The following PTPRT variants were observed in gnomAD, a reference collection of about 807,000 sequenced individuals.
PTPRT encodes the protein protein tyrosine phosphatase receptor type T.
In PTPRT, 56 loss-of-function variants were observed where a neutral mutation model predicts 176.8. The observed-to-expected ratio is 0.32, with a 90% CI of 0.26 to 0.40. The LOEUF (loss-of-function observed/expected upper bound fraction) is 0.40, where lower values mean the gene tolerates loss of function less well. Ranked by LOEUF, PTPRT falls within the 10% of genes least tolerant of loss-of-function variation. PTPRT has a pLI of 1.00. For missense variants in PTPRT, 1,540 were observed against 1,908.2 expected, an observed-to-expected ratio of 0.81 and a Z score of 3.60; for synonymous variants, 783 against 739.0, an observed-to-expected ratio of 1.06 and a Z score of -0.96.
At position 43,189,649 on chromosome 20, in the gene PTPRT, C is replaced by G. The variant is rs2867655; in HGVS notation, c.85G>C (p.Ala29Pro). The part of the protein sequence containing the change: ...PLPGARAQSA[A>P]GGCSFDEHYS... ...GGAGCCGGGCGGGCGCACTCACCTGCGGCGCTCTGAGCCCGGGCGCCGGGC... is the reference window on the plus strand; with the variant it reads ...GGAGCCGGGCGGGCGCACTCACCTGGGGCGCTCTGAGCCCGGGCGCCGGGC... The change falls in exon 1 of 31, where the codon GCA becomes CCA. Residue 29 changes from alanine (A) to proline (P), a missense_variant. Around this residue, in one of 11 missense-constraint regions of PTPRT, gnomAD observed 116 missense variants for 118.5 expected, o/e 0.98. Coordinates refer to ENST00000373187, the MANE Select transcript of PTPRT (RefSeq NM_007050.6). This position sits in a 1 kb window ranked among gnomAD's most constrained non-coding sequence, Gnocchi z 5.0. 0.82 allele frequency: 1,065,030 copies of G among 1,301,520 alleles called. 444,311 individuals carry two copies. The highest frequency in any genetic ancestry group is 0.91 in the South Asian group (42,097 of 46,050). 80.6% of individuals were successfully genotyped at this position (1,301,520 alleles called of 1,614,324 possible). A position where few individuals can be genotyped will look rare whatever the true frequency, so the allele number is the denominator to read the frequency against.
intron 6 of PTPRT, among the ~76,000 whole-genome samples, chr20:42,755,009 C>T (rs568663458): frequency 8.5e-5 from 13 of 152,064 alleles, no homozygotes; most frequent in Non-Finnish European, 1.8e-4. Context: ...AAAAAGTCAC[C>T]AAGTAAACAA....
Position 42,129,912 on chromosome 20 carries a change from G to A in PTPRT, c.2771-1082C>T, listed in dbSNP as rs190618507. Among the ~76,000 whole-genome samples the A allele has an allele frequency of 2.6e-5, 4 of 152,326 alleles. No homozygotes were observed. The East Asian group carries it at 7.7e-4, about 29-fold the overall frequency. The stretch of plus-strand genomic sequence containing the variant: ...TTTAAAAGGTCCTGACATACAGCAG[G>A]TACTCAGTAGTACATGGAAAAGGTA... On this transcript the variant is annotated intron_variant, in intron 18 of 30. Coordinates refer to ENST00000373187, the MANE Select transcript of PTPRT (RefSeq NM_007050.6).
At chr20:42,248,925 G>A (rs2056503341) in intron 13 of PTPRT, 103 bp from the exon 14 acceptor site, 1 of 1,391,964 alleles carries the variant, frequency 7.2e-7, no homozygotes, top group Non-Finnish European at 9.9e-7. Context: ...TGCTAACTAT[G>A]TGCCAGGCAC....
chr20:42,155,827 G>T (rs535817713), intron 17 of PTPRT, among the ~76,000 whole-genome samples: 2 of 152,070 alleles, frequency 1.3e-5, no homozygotes, highest in Non-Finnish European at 2.9e-5. Context: ...TGTCCCAGCC[G>T]CCTACCTGCC....
At chr20:42,132,659 G>A (rs1315422291) in intron 18 of PTPRT, among the ~76,000 whole-genome samples, 2 of 152,284 alleles carry the variant, frequency 1.3e-5, no homozygotes, top group East Asian at 3.9e-4. Context: ...CCAAAACACT[G>A]ACACCACCAC....
At chr20:42,321,564 T>A (rs2057798676) in intron 11 of PTPRT, among the ~76,000 whole-genome samples, 1 of 152,202 alleles carries the variant, frequency 6.6e-6, no homozygotes, top group African/African-American at 2.4e-5. Context: ...CATTAATACA[T>A]AATTACCAGT....
At chr20:42,986,451 G>T (rs1418130089) in intron 1 of PTPRT, among the ~76,000 whole-genome samples, 1 of 152,170 alleles carries the variant, frequency 6.6e-6, no homozygotes, top group African/African-American at 2.4e-5. Context: ...CTCATCCTGA[G>T]TCACCCACTC....
chr20:42,716,863 A>G lies in PTPRT; in HGVS notation c.860-38704T>C, dbSNP rs533412706. Among the ~76,000 whole-genome samples the G allele has an allele frequency of 4.2e-4, 64 of 152,346 alleles. 1 individual carries two copies. Among genetic ancestry groups the G allele is most frequent in the African/African-American group, 1.4e-3 (59 of 41,576 alleles). On this transcript the variant is annotated intron_variant, in intron 6 of 30. Transcript: ENST00000373187. ...ATGGAATACTATGCAGCCATAAAAA[A>G]TGATGAGTTCATGTCCTTTGTAGGG...
chr20:42,818,898 T>C (rs554986225), intron 2 of PTPRT, among the ~76,000 whole-genome samples: 2 of 152,194 alleles, frequency 1.3e-5, no homozygotes, highest in Admixed American at 1.3e-4. Flanking sequence ...AATACAGGGC[T>C]TCATAAAAAG....
rs114045680 is a variant in PTPRT, at chr20:43,159,287, T to A, written c.88+30359A>T. On this transcript the variant is annotated intron_variant, in intron 1 of 30. Transcript: ENST00000373187. ...AGAGCTGGGGGTGGATACTACTTTC[T>A]AGCTTTGGAGAAAGAGATGCAATTG... Among the ~76,000 whole-genome samples the A allele has an allele frequency of 9.7e-3, 1,471 of 152,304 alleles. 28 individuals are homozygous for A. The highest frequency in any genetic ancestry group is 0.033 in the African/African-American group (1,392 of 41,566).
chr20:42,302,727 T>C (rs1254254391), intron 12 of PTPRT, among the ~76,000 whole-genome samples: 4 of 152,214 alleles, frequency 2.6e-5, no homozygotes, highest in Non-Finnish European at 5.9e-5. Flanking sequence ...AACAAGCCCA[T>C]AATAAATAAT....
At chr20:43,058,216 A>T (rs1020790100) in intron 1 of PTPRT, among the ~76,000 whole-genome samples, 4 of 152,134 alleles carry the variant, frequency 2.6e-5, no homozygotes, top group African/African-American at 9.7e-5. Context: ...AAAAAAAGTA[A>T]GAGGGGAGGA....
chr20:42,210,693 T>A (rs1479580276), intron 15 of PTPRT, among the ~76,000 whole-genome samples: 1 of 151,608 alleles, frequency 6.6e-6, no homozygotes, highest in Non-Finnish European at 1.5e-5. Context: ...GTAGGAAGAA[T>A]CAATATCGTG....
chr20:42,875,054 C>A (rs753309657), intron 2 of PTPRT, among the ~76,000 whole-genome samples: 1 of 152,124 alleles, frequency 6.6e-6, no homozygotes, highest in African/African-American at 2.4e-5. Context: ...TTTAGTTGAA[C>A]GATGCCAGTC....
At position 42,084,686 on chromosome 20, in the gene PTPRT, A is replaced by T; in HGVS notation, c.4132T>A (p.Cys1378Ser). 1 of 1,517,780 alleles carries T rather than the reference A, an allele frequency of 6.6e-7. No homozygotes were observed. The highest frequency in any genetic ancestry group is 8.9e-7 in the Non-Finnish European group (1 of 1,124,384). 94.0% of individuals were successfully genotyped at this position (1,517,780 alleles called of 1,614,324 possible). ...DGREGRTVVH[C>S]LNGGGRSGTF... ...TGACACCTCCCTAGTACTCACAGGC[A>T]GTGGACCACAGTACGTCCCTCCCTC... is the stretch of plus-strand genomic sequence containing the variant. The change falls in exon 29 of 31, where the codon TGC becomes AGC. Residue 1378 changes from cysteine (C) to serine (S), a missense_variant. Cys to Ser is a moderately radical substitution (Grantham distance 112, BLOSUM62 -1). Around this residue, in one of 11 missense-constraint regions of PTPRT, gnomAD observed 342 missense variants for 394.0 expected, o/e 0.87. Coordinates refer to ENST00000373187, the MANE Select transcript of PTPRT (RefSeq NM_007050.6).
intron 1 of PTPRT, among the ~76,000 whole-genome samples, chr20:43,017,202 G>T (rs1229769818): frequency 6.6e-6 from 1 of 152,144 alleles, no homozygotes. Flanking sequence ...CAGGTGGCTG[G>T]CCCATAGACT....
chr20:42,368,450 T>C (rs2058543993), intron 9 of PTPRT, among the ~76,000 whole-genome samples: 2 of 152,136 alleles, frequency 1.3e-5, no homozygotes, highest in African/African-American at 4.8e-5. Context: ...TTGAAACCCA[T>C]TGCCCTTCAA....
intron 7 of PTPRT, among the ~76,000 whole-genome samples, chr20:42,520,520 C>G (rs957901904): frequency 6.6e-6 from 1 of 152,114 alleles, no homozygotes. Flanking sequence ...ACAATGCCTT[C>G]AGTCTCTTCT....
Position 42,750,884 on chromosome 20 carries a change from G to A in PTPRT, c.859+5578C>T, listed in dbSNP as rs372816507. Among the ~76,000 whole-genome samples the A allele has an allele frequency of 5.9e-5, 9 of 152,242 alleles. No individual in the cohort carries two copies. The East Asian group carries it at 9.7e-4, about 16-fold the overall frequency. On this transcript the variant is annotated intron_variant, in intron 6 of 30. Coordinates refer to ENST00000373187, the MANE Select transcript of PTPRT (RefSeq NM_007050.6). ...TGGTCTGGACCAGGTAGGTTGAGGG[G>A]CCGAATTGTCAATTGAGCGAAACCT...
Sources: allele counts gnomAD v4.1 joint callset (sites outside exome capture counted in the v4.1 genomes callset), GRCh38; gene constraint gnomAD v4.1.1; regional missense constraint gnomAD v4.1.1; non-coding constraint Gnocchi (gnomAD v3.1); transcripts MANE v1.5; gene names NCBI Gene and HGNC (gene_info 2026-07-23, HGNC 2026-07-21).